Variants in RAB39A observed in about 807,000 individuals in gnomAD.
The protein encoded by RAB39A is RAB39A, member RAS oncogene family.
In RAB39A, 17 loss-of-function variants were observed where a neutral mutation model predicts 20.9. The observed-to-expected ratio is 0.81, with a 90% CI of 0.56 to 1.22. The LOEUF is 1.22. Among genes scored for constraint, RAB39A ranks in the 50% most tolerant of loss-of-function variants. The probability of loss-of-function intolerance (pLI) is 0.00; values close to 1 mark genes in which losing one functional copy is unlikely to be tolerated. For synonymous variants in RAB39A, 99 were observed against 103.4 expected (o/e 0.96, Z 0.26); for missense variants, 234 against 270.5 (o/e 0.87, Z 0.95).
chr11:107,952,744 G>A lies in RAB39A; in HGVS notation c.228-9202G>A, dbSNP rs1352259136. On this transcript the variant is annotated intron_variant, in intron 1 of 1. Transcript: ENST00000320578. The stretch of plus-strand genomic sequence containing the variant: ...AAAATACAAAAAAAATTAGCTGGGC[G>A]TGGTGGCACATGCCTGTAGTCCCAG... Among the ~76,000 whole-genome samples the A allele has an allele frequency of 9.9e-5, 15 of 152,216 alleles. No individual in the cohort carries two copies. In the South Asian group the frequency reaches 1.5e-3, roughly 15 times the overall value.
At chr11:107,946,422 GTGTGTGTGTGTGTGTATATATA>G (rs1342148790) in intron 1 of RAB39A, among the ~76,000 whole-genome samples, 4,331 of 34,284 alleles carry the variant, frequency 0.13, 220 homozygotes, top group South Asian at 0.26. Context: ...GTGTGTGTGT[GTGTGTGTGTGTGTGTATATATA>G]TATATATATA....
chr11:107,959,391 G>A (rs1030934212), intron 1 of RAB39A, among the ~76,000 whole-genome samples: 33 of 152,288 alleles, frequency 2.2e-4, no homozygotes, highest in South Asian at 1.4e-3. Context: ...ATAAAGATGA[G>A]TGACAAAACA....
At chr11:107,950,107 G>C (rs1437964442) in intron 1 of RAB39A, among the ~76,000 whole-genome samples, 1 of 151,850 alleles carries the variant, frequency 6.6e-6, no homozygotes, top group African/African-American at 2.4e-5. Context: ...ATGAACCCAG[G>C]AGGCGGAACT....
intron 1 of RAB39A, among the ~76,000 whole-genome samples, chr11:107,952,889 TAAATAA>T (rs987901686): frequency 9.9e-5 from 15 of 151,756 alleles, no homozygotes; most frequent in African/African-American, 3.4e-4. Context: ...CTCAAAAAAA[TAAATAA>T]AAATAAAAAA....
chr11:107,929,345 T>G (rs982877130), intron 1 of RAB39A, among the ~76,000 whole-genome samples: 2 of 152,172 alleles, frequency 1.3e-5, no homozygotes, highest in Non-Finnish European at 2.9e-5. Flanking sequence ...CTGGGCATGG[T>G]TCACAGAGAG....
chr11:107,931,381 C>T (rs1182103050), intron 1 of RAB39A, among the ~76,000 whole-genome samples: 2 of 152,180 alleles, frequency 1.3e-5, no homozygotes, highest in African/African-American at 2.4e-5. Context: ...AATGCAAGGA[C>T]ATTTAGGGAA....
chr11:107,960,082 C>T (rs1052132825), intron 1 of RAB39A, among the ~76,000 whole-genome samples: 6 of 152,086 alleles, frequency 3.9e-5, no homozygotes, highest in Middle Eastern at 6.8e-3. Context: ...TGGTGGCATG[C>T]GCCTATAGTC....
chr11:107,945,621 G>C (rs1040857716), intron 1 of RAB39A, among the ~76,000 whole-genome samples: 1 of 152,076 alleles, frequency 6.6e-6, no homozygotes, highest in Non-Finnish European at 1.5e-5. Flanking sequence ...CCCCTCCAAG[G>C]ACTTGGGAAA....
rs1382661298 is a variant in RAB39A, at chr11:107,946,503, C to T, written c.228-15443C>T. Among the ~76,000 whole-genome samples the T allele has an allele frequency of 1.1e-4, 11 of 99,870 alleles. 1 individual carries two copies. The East Asian group carries it at 2.6e-3, about 23-fold the overall frequency. 65.5% of individuals were successfully genotyped at this position (99,870 alleles called of 152,430 possible). ...TTTTTTTTTTTTTGAGACAGAGTCT[C>T]GCTCTGTTGCCCAGGCTGGAGTGCA... On this transcript the variant is annotated intron_variant, in intron 1 of 1. Coordinates refer to ENST00000320578, the MANE Select transcript of RAB39A (RefSeq NM_017516.3).
At chr11:107,934,167 T>C (rs867797940) in intron 1 of RAB39A, among the ~76,000 whole-genome samples, 2 of 152,194 alleles carry the variant, frequency 1.3e-5, no homozygotes, top group Middle Eastern at 3.4e-3. Context: ...GTGAGTCACG[T>C]CTGTAATCCT....
At chr11:107,940,786 C>T (rs997725112) in intron 1 of RAB39A, among the ~76,000 whole-genome samples, 11 of 152,044 alleles carry the variant, frequency 7.2e-5, no homozygotes, top group African/African-American at 2.4e-4. Context: ...TCCTGGCCAA[C>T]GTGGTGAAGC....
At chr11:107,951,510 G>A (rs1861378636) in intron 1 of RAB39A, among the ~76,000 whole-genome samples, 1 of 152,036 alleles carries the variant, frequency 6.6e-6, no homozygotes, top group South Asian at 2.1e-4. Flanking sequence ...ACCTAAGGAA[G>A]TCAGCAAGTG....
intron 1 of RAB39A, among the ~76,000 whole-genome samples, chr11:107,948,417 A>C (rs536059977): frequency 6.6e-6 from 1 of 152,052 alleles, no homozygotes; most frequent in Non-Finnish European, 1.5e-5. Flanking sequence ...GCGTCATGTG[A>C]ATAGTTCTGG....
At chr11:107,948,435 A>G (rs530962355) in intron 1 of RAB39A, among the ~76,000 whole-genome samples, 1 of 151,828 alleles carries the variant, frequency 6.6e-6, no homozygotes, top group South Asian at 2.1e-4. Flanking sequence ...TGGCCAGGGG[A>G]TTTGAGCAGA....
At chr11:107,937,789 AG>A (rs1384490335) in intron 1 of RAB39A, among the ~76,000 whole-genome samples, 7 of 152,144 alleles carry the variant, frequency 4.6e-5, no homozygotes, top group African/African-American at 1.4e-4. Context: ...CCTAGCTCTC[AG>A]TCTCTGAGCC....
intron 1 of RAB39A, among the ~76,000 whole-genome samples, chr11:107,930,526 G>T (rs1861125336): frequency 6.6e-6 from 1 of 152,140 alleles, no homozygotes; most frequent in Admixed American, 6.5e-5. Flanking sequence ...AGACACATGG[G>T]TAATAAAATC....
rs923331049 is a variant in RAB39A, at chr11:107,930,343, CTAAGT to C, written c.227+1550_227+1554del. On this transcript the variant is annotated intron_variant, in intron 1 of 1. Coordinates refer to ENST00000320578, the MANE Select transcript of RAB39A (RefSeq NM_017516.3). ...TAACATTCCTTCCAGTTTTACCATT[CTAAGT>C]TGATTGCCAATTCCTTCACATGTGA... Among the ~76,000 whole-genome samples, 4 of 152,226 alleles carry C rather than the reference CTAAGT, an allele frequency of 2.6e-5. No individual in the cohort carries two copies. In the East Asian group the frequency reaches 7.7e-4, roughly 29 times the overall value.
chr11:107,946,076 A>T (rs1861303951), intron 1 of RAB39A, among the ~76,000 whole-genome samples: 3 of 151,980 alleles, frequency 2.0e-5, no homozygotes, highest in Admixed American at 2.0e-4. Flanking sequence ...GTCCAGCATG[A>T]TCATCTTACA....
chr11:107,955,892 A>T (rs1362797097), intron 1 of RAB39A, among the ~76,000 whole-genome samples: 1 of 147,050 alleles, frequency 6.8e-6, no homozygotes, highest in African/African-American at 2.5e-5. Context: ...AGTATTATGC[A>T]TTTTTTTTTT....
Sources: gnomAD v4.1 joint callset for allele counts (sites outside exome capture counted in the v4.1 genomes callset) on GRCh38, gnomAD v4.1.1 for gene constraint, MANE v1.5 for transcripts, NCBI Gene and HGNC (gene_info 2026-07-23, HGNC 2026-07-21) for gene names.